The following AOX1 variants were observed in gnomAD, a reference collection of about 807,000 sequenced individuals.
AOX1 encodes aldehyde oxidase.
A neutral mutation model predicts 169.5 loss-of-function variants in AOX1; 153 were observed. The ratio of observed to expected loss-of-function variants is 0.90; its 90% CI spans 0.79 to 1.03. The LOEUF is 1.03. Among genes scored for constraint, AOX1 ranks in the 50% least tolerant of loss-of-function variants. The pLI, the probability that AOX1 is intolerant of heterozygous loss-of-function variation, is 0.00. For missense variants in AOX1, 1,656 were observed against 1,663.9 expected (o/e 1.00, Z 0.08); for synonymous variants, 562 against 581.9 (o/e 0.97, Z 0.49).
intron 32 of AOX1, among the ~76,000 whole-genome samples, chr2:200,668,284 T>C (rs2035960183): frequency 6.6e-6 from 1 of 151,988 alleles, no homozygotes; most frequent in African/African-American, 2.4e-5. Context: ...TTTTTTTGTA[T>C]TTTTAGTAGA....
At position 200,637,404 on chromosome 2, in the gene AOX1, A is replaced by G. The variant is rs556623644; in HGVS notation, c.2480+360A>G. 2.6e-5 allele frequency among the ~76,000 whole-genome samples: 4 copies of G among 152,266 alleles called. No homozygotes were observed. In the South Asian group the frequency reaches 8.3e-4, roughly 32 times the overall value. ...AATGTACCTATATATACATACACAC[A>G]TATATATTTATATACATATAAACCA... On this transcript the variant is annotated intron_variant, in intron 22 of 34. Coordinates refer to ENST00000374700, the MANE Select transcript of AOX1 (RefSeq NM_001159.4).
chr2:200,640,748 G>A (rs1383572432), intron 23 of AOX1, among the ~76,000 whole-genome samples: 6 of 152,138 alleles, frequency 3.9e-5, no homozygotes, highest in Admixed American at 3.9e-4. Flanking sequence ...TTGTCATAAT[G>A]GTGACTAAAA....
chr2:200,592,621 T>C (rs988478555), intron 1 of AOX1, among the ~76,000 whole-genome samples: 1 of 152,182 alleles, frequency 6.6e-6, no homozygotes, highest in Non-Finnish European at 1.5e-5. Context: ...AGCATACATG[T>C]TTTATCTTCC....
rs1270256058 is a variant in AOX1 at position 200,611,501 on chromosome 2, C to T, written c.1263+8C>T. 7.1e-6 allele frequency: 11 copies of T among 1,558,996 alleles called. No individual in the cohort carries two copies. The highest frequency in any genetic ancestry group is 9.7e-6 in the Non-Finnish European group (11 of 1,129,962). ...ATCCCCTACTCAAGGAAGGTGAGAACATCCCACTGTCAATTTCCCAGTTGC... is the reference window on the plus strand; with the variant it reads ...ATCCCCTACTCAAGGAAGGTGAGAATATCCCACTGTCAATTTCCCAGTTGC... On this transcript the variant is annotated splice_region_variant and intron_variant, in intron 13 of 34. Transcript: ENST00000374700.
chr2:200,681,167 C>T (rs1481419215), downstream of AOX1, among the ~76,000 whole-genome samples: 3 of 152,172 alleles, frequency 2.0e-5, no homozygotes, highest in Non-Finnish European at 2.9e-5. Flanking sequence ...ACTTCCTTTC[C>T]CAACTGCCTC....
chr2:200,634,762 C>T, intron 20 of AOX1, 29 bp from the exon 21 acceptor site: 1 of 1,612,834 alleles, frequency 6.2e-7, no homozygotes, highest in Non-Finnish European at 8.5e-7. Context: ...TGACTGCTTC[C>T]TTGACTTTTA....
chr2:200,615,381 C>A (rs1559239164), intron 15 of AOX1, among the ~76,000 whole-genome samples: 6 of 152,102 alleles, frequency 3.9e-5, no homozygotes, highest in Admixed American at 3.9e-4. Context: ...CCTTTCCCCC[C>A]ATCCAGCTCT....
downstream of AOX1, among the ~76,000 whole-genome samples, chr2:200,672,284 G>A (rs896525626): frequency 6.6e-6 from 1 of 152,196 alleles, no homozygotes; most frequent in Non-Finnish European, 1.5e-5. Flanking sequence ...TATGGTATGT[G>A]AATTATACCT....
chr2:200,640,258 A>C (rs1398597648), intron 23 of AOX1, among the ~76,000 whole-genome samples: 1 of 152,114 alleles, frequency 6.6e-6, no homozygotes, highest in Non-Finnish European at 1.5e-5. Flanking sequence ...ACAGTCCCAG[A>C]GTGGGAAGTT....
intron 7 of AOX1, 27 bp downstream of exon 7, chr2:200,603,383 G>T: frequency 6.4e-7 from 1 of 1,560,196 alleles, no homozygotes. Context: ...GCTTTTATAA[G>T]GCTTTCTCAG....
chr2:200,674,961 T>C (rs1440998945), downstream of AOX1, among the ~76,000 whole-genome samples: 1 of 152,220 alleles, frequency 6.6e-6, no homozygotes, highest in African/African-American at 2.4e-5. Flanking sequence ...TAAGATCCCA[T>C]GTAACATCAC....
At chr2:200,589,045 A>G (rs111598483) in intron 1 of AOX1, among the ~76,000 whole-genome samples, 110 of 152,224 alleles carry the variant, frequency 7.2e-4, no homozygotes, top group Middle Eastern at 3.4e-3. Flanking sequence ...GAAGTCAAAC[A>G]CAATCTCTGG....
At chr2:200,624,374 G>A (rs534510749) in intron 19 of AOX1, among the ~76,000 whole-genome samples, 4 of 152,204 alleles carry the variant, frequency 2.6e-5, no homozygotes, top group Non-Finnish European at 5.9e-5. Flanking sequence ...GAATGGAGGA[G>A]CTGTTGGTTA....
intron 20 of AOX1, among the ~76,000 whole-genome samples, chr2:200,630,210 TAAAAAAA>T (rs57410809): frequency 2.6e-4 from 25 of 95,566 alleles, no homozygotes; most frequent in Non-Finnish European, 4.3e-4. Flanking sequence ...TCCTTCTATT[TAAAAAAA>T]AAAAAAAAAA....
At chr2:200,605,157 A>G (rs1424669901) in intron 9 of AOX1, among the ~76,000 whole-genome samples, 1 of 152,154 alleles carries the variant, frequency 6.6e-6, no homozygotes, top group African/African-American at 2.4e-5. Flanking sequence ...CTGGGCCTCA[A>G]ATTTCAAATT....
chr2:200,630,789 A>G (rs1305507482), intron 20 of AOX1, among the ~76,000 whole-genome samples: 1 of 152,224 alleles, frequency 6.6e-6, no homozygotes, highest in Non-Finnish European at 1.5e-5. Flanking sequence ...ATTAATTATC[A>G]TAGCAACACT....
chr2:200,592,502 T>G (rs2034194811), intron 1 of AOX1, among the ~76,000 whole-genome samples: 1 of 151,910 alleles, frequency 6.6e-6, no homozygotes. Context: ...AATCTTGACA[T>G]TTTGATGTCA....
intron 16 of AOX1, among the ~76,000 whole-genome samples, chr2:200,618,957 C>A (rs971644828): frequency 6.6e-6 from 1 of 152,136 alleles, no homozygotes; most frequent in African/African-American, 2.4e-5. Flanking sequence ...TGGACCAGGG[C>A]AGACTTTGAA....
At chr2:200,682,216 TAA>T in the AOX1 span, among the ~76,000 whole-genome samples, 23 of 152,340 alleles carry the variant, frequency 1.5e-4, no homozygotes, top group Non-Finnish European at 2.2e-4. Context: ...TGTTTTTATA[TAA>T]GTTATTGACT....
Sources: gnomAD v4.1 joint callset for allele counts (sites outside exome capture counted in the v4.1 genomes callset) on GRCh38, gnomAD v4.1.1 for gene constraint, MANE v1.5 for transcripts, NCBI Gene and HGNC (gene_info 2026-07-23, HGNC 2026-07-21) for gene names.